The following LRP6 variants were observed in gnomAD, a reference collection of about 807,000 sequenced individuals.
LRP6 encodes LDL receptor related protein 6.
In LRP6, 43 loss-of-function variants were observed where a neutral mutation model predicts 184.1. The ratio of observed to expected loss-of-function variants is 0.23; its 90% CI spans 0.18 to 0.30. The LOEUF (loss-of-function observed/expected upper bound fraction) is 0.30. LRP6 is among the 10% of genes least tolerant of loss of function. The probability of loss-of-function intolerance (pLI) is 1.00; values close to 1 mark genes in which losing one functional copy is unlikely to be tolerated. For synonymous variants in LRP6, 719 were observed against 684.9 expected (o/e 1.05, Z -0.78); for missense variants, 1,571 against 2,005.3 (o/e 0.78, Z 4.14).
chr12:12,237,388 A>G (rs962975606), intron 2 of LRP6, among the ~76,000 whole-genome samples: 2 of 152,246 alleles, frequency 1.3e-5, no homozygotes, highest in African/African-American at 4.8e-5. Context: ...AAAAATCGCT[A>G]TTTGGCAAAC....
chr12:12,180,070 C>T (rs1175669937), intron 6 of LRP6, 89 bp from the exon 7 acceptor site: 7 of 1,029,122 alleles, frequency 6.8e-6, no homozygotes, highest in African/African-American at 1.6e-5. Flanking sequence ...CCTCCTATTA[C>T]ACTGGTATCA....
chr12:12,234,021 G>A (rs945166872), intron 2 of LRP6, among the ~76,000 whole-genome samples: 1 of 152,198 alleles, frequency 6.6e-6, no homozygotes, highest in African/African-American at 2.4e-5. Flanking sequence ...CGGGCACGGT[G>A]GCTCATGCCT....
chr12:12,254,313 C>T (rs915696416), intron 1 of LRP6, among the ~76,000 whole-genome samples: 2 of 152,076 alleles, frequency 1.3e-5, no homozygotes, highest in Non-Finnish European at 2.9e-5. Context: ...CGTGAGACTG[C>T]TAACACAGAT....
rs560176597 is a variant in LRP6, at chr12:12,124,184, G to C, written c.4547+381C>G. Reference sequence around the variant, plus strand: ...AGATCAGGAGTTCGAGACCAGCCTGGCCAACATGGTGAAACCACGTTTCTA... The same window carrying C: ...AGATCAGGAGTTCGAGACCAGCCTGCCCAACATGGTGAAACCACGTTTCTA... On this transcript the variant is annotated intron_variant, in intron 22 of 22. Transcript: ENST00000261349. 1.6e-3 allele frequency among the ~76,000 whole-genome samples: 251 copies of C among 152,230 alleles called. 1 individual carries two copies. Among genetic ancestry groups the C allele is most frequent in the African/African-American group, 5.7e-3 (235 of 41,540 alleles).
At chr12:12,171,063 G>A (rs1034248467) in intron 7 of LRP6, among the ~76,000 whole-genome samples, 14 of 152,200 alleles carry the variant, frequency 9.2e-5, no homozygotes, top group Non-Finnish European at 2.1e-4. Flanking sequence ...GATCAGCCAT[G>A]TACTAACAAT....
At chr12:12,208,545 T>C (rs902223960) in intron 2 of LRP6, among the ~76,000 whole-genome samples, 2 of 152,360 alleles carry the variant, frequency 1.3e-5, no homozygotes, top group Non-Finnish European at 2.9e-5. Flanking sequence ...TTTTGTTATA[T>C]ACTATAGTAC....
intron 12 of LRP6, among the ~76,000 whole-genome samples, chr12:12,156,312 G>A (rs1199745624): frequency 6.6e-6 from 1 of 152,198 alleles, no homozygotes; most frequent in Non-Finnish European, 1.5e-5. Flanking sequence ...CAGTTCAACA[G>A]TCATGAAGCG....
intron 7 of LRP6, among the ~76,000 whole-genome samples, chr12:12,170,823 AC>A (rs1565595253): frequency 2.7e-5 from 4 of 149,912 alleles, no homozygotes; most frequent in Non-Finnish European, 3.0e-5. Flanking sequence ...ACACACACAC[AC>A]ACACACACGT....
rs1296719379 is a variant in LRP6 at position 12,138,406 on chromosome 12, C to G, written c.3526G>C (p.Glu1176Gln). The G allele has an allele frequency of 3.7e-6, 6 of 1,614,180 alleles. No homozygotes were observed. The highest frequency in any genetic ancestry group is 5.1e-6 in the Non-Finnish European group (6 of 1,180,030). Reference protein sequence around the residue: ...MIEKIDMTGREGRTKVQARIA... With the variant: ...MIEKIDMTGRQGRTKVQARIA... ...CGAGCTTGGACTTTGGTTCTACCCT[C>G]TCGACCTGTCATGTCAATTTTTTCA... Residue 1176 changes from glutamate (E) to glutamine (Q), a missense_variant, in exon 16 of 23, where the codon GAG becomes CAG. This residue lies in a region of LRP6 where 763 missense variants were observed against 859.5 expected (regional missense o/e 0.89). Transcript: ENST00000261349.
At chr12:12,223,176 GA>G (rs35090683) in intron 2 of LRP6, among the ~76,000 whole-genome samples, 1,712 of 115,186 alleles carry the variant, frequency 0.015, 31 homozygotes, top group African/African-American at 0.056. Context: ...CATTTCATCA[GA>G]AAAAAAAAAA....
At chr12:12,149,226 C>T in intron 13 of LRP6, 73 bp from the exon 14 acceptor site, 5 of 1,127,868 alleles carry the variant, frequency 4.4e-6, no homozygotes, top group Non-Finnish European at 6.8e-6. Context: ...AGTCACAATG[C>T]TTACACCTAC....
chr12:12,154,066 G>A (rs1950117506), intron 12 of LRP6, among the ~76,000 whole-genome samples: 1 of 152,130 alleles, frequency 6.6e-6, no homozygotes. Flanking sequence ...TTTCCAATTT[G>A]CACAAAGATG....
At position 12,119,999 on chromosome 12, in the gene LRP6, A is replaced by AAACC. The variant is rs1565518912; in HGVS notation, c.*1126_*1127insGGTT. On this transcript the variant is annotated 3_prime_UTR_variant, in exon 23 of 23. Transcript: ENST00000261349. The stretch of plus-strand genomic sequence containing the variant: ...ACAAACAAACAAACAAAATATATAT[A>AAACC]TATATATATATATATATATATATAT... 1 of 43,966 alleles carries AAACC rather than the reference A, an allele frequency of 2.3e-5. No individual in the cohort carries two copies. Among genetic ancestry groups the AAACC allele is most frequent in the Non-Finnish European group, 4.7e-5 (1 of 21,206 alleles). The allele number at this position is 43,966 out of a possible 1,614,324, so 2.7% of individuals were successfully genotyped here.
At chr12:12,262,994 C>G (rs191051033) in intron 1 of LRP6, among the ~76,000 whole-genome samples, 1 of 151,700 alleles carries the variant, frequency 6.6e-6, no homozygotes, top group East Asian at 1.9e-4. Context: ...TGGCTCACAC[C>G]TGTAATCCCA....
chr12:12,182,589 A>T (rs1202027778), intron 5 of LRP6, among the ~76,000 whole-genome samples: 1 of 152,260 alleles, frequency 6.6e-6, no homozygotes, highest in African/African-American at 2.4e-5. Flanking sequence ...TTCAAGAATC[A>T]ATCTGCAATT....
chr12:12,184,989 T>C (rs921695045), intron 4 of LRP6, among the ~76,000 whole-genome samples: 1 of 151,818 alleles, frequency 6.6e-6, no homozygotes, highest in Non-Finnish European at 1.5e-5. Context: ...GGACCAACAA[T>C]GCCATTTAAA....
intron 7 of LRP6, among the ~76,000 whole-genome samples, chr12:12,168,263 C>T (rs1384430372): frequency 6.6e-6 from 1 of 152,058 alleles, no homozygotes; most frequent in Non-Finnish European, 1.5e-5. Flanking sequence ...ACGATATTTA[C>T]ATTAAAATTA....
chr12:12,155,808 A>G lies in LRP6; in HGVS notation c.2791+3021T>C, dbSNP rs963268146. 3.2e-5 allele frequency: 3 copies of G among 93,086 alleles called. No individual in the cohort carries two copies. The East Asian group carries it at 5.5e-4, about 17-fold the overall frequency. 5.8% of individuals were successfully genotyped at this position (93,086 alleles called of 1,614,324 possible). On this transcript the variant is annotated intron_variant, in intron 12 of 22. Coordinates refer to ENST00000261349, the MANE Select transcript of LRP6 (RefSeq NM_002336.3). Reference sequence around the variant, plus strand: ...AAAAATAAAAGACTTCTGGACTGTTAAAAAAAAAAAAAAGGTTAAATAATT... The same window carrying G: ...AAAAATAAAAGACTTCTGGACTGTTGAAAAAAAAAAAAAGGTTAAATAATT...
intron 3 of LRP6, chr12:12,187,385 A>T: frequency 2.1e-6 from 1 of 473,088 alleles, no homozygotes; most frequent in South Asian, 2.2e-5. Flanking sequence ...GATACCCGGC[A>T]GAGAGAGAGC....
Sources: allele counts gnomAD v4.1 joint callset (sites outside exome capture counted in the v4.1 genomes callset), GRCh38; gene constraint gnomAD v4.1.1; regional missense constraint gnomAD v4.1.1; transcripts MANE v1.5; gene names NCBI Gene and HGNC (gene_info 2026-07-23, HGNC 2026-07-21).